The following TIAM1 variants were observed in gnomAD, a reference collection of about 807,000 sequenced individuals.
TIAM1 encodes rho guanine nucleotide exchange factor TIAM1.
A neutral mutation model predicts 163.5 loss-of-function variants in TIAM1; 65 were observed. The observed-to-expected ratio is 0.40, with a 90% CI of 0.33 to 0.49. The LOEUF (loss-of-function observed/expected upper bound fraction) is 0.49, where lower values mean the gene tolerates loss of function less well. Among genes scored for constraint, TIAM1 ranks in the 20% least tolerant of loss-of-function variants. TIAM1 has a pLI of 0.77. For missense variants in TIAM1, 1,789 were observed against 2,044.7 expected (o/e 0.87, Z 2.41); for synonymous variants, 833 against 810.1 (o/e 1.03, Z -0.48).
upstream of TIAM1, among the ~76,000 whole-genome samples, chr21:31,348,458 C>G (rs1331492247): frequency 1.3e-5 from 2 of 152,228 alleles, no homozygotes; most frequent in African/African-American, 4.8e-5. Flanking sequence ...GGTGTCAACA[C>G]CGTCAAATTA....
At chr21:31,399,496 T>G (rs1043371550) in intron 2 of TIAM1, among the ~76,000 whole-genome samples, 1 of 152,232 alleles carries the variant, frequency 6.6e-6, no homozygotes, top group African/African-American at 2.4e-5. Flanking sequence ...ATGAATTGTA[T>G]GCATCCACTG....
intron 5 of TIAM1, among the ~76,000 whole-genome samples, chr21:31,250,436 A>G (rs1361237763): frequency 6.6e-6 from 1 of 152,182 alleles, no homozygotes; most frequent in Admixed American, 6.5e-5. Flanking sequence ...ACCAAGAATA[A>G]TGGGGCCAAC....
At chr21:31,191,121 T>C (rs776862964) in intron 13 of TIAM1, among the ~76,000 whole-genome samples, 10 of 151,950 alleles carry the variant, frequency 6.6e-5, no homozygotes, top group Non-Finnish European at 1.2e-4. Context: ...GGAGAAGAAA[T>C]GATTTAACTG....
chr21:31,543,703 C>A (rs188467656), intron 1 of TIAM1, among the ~76,000 whole-genome samples: 1 of 152,252 alleles, frequency 6.6e-6, no homozygotes, highest in East Asian at 1.9e-4. Context: ...CAGGATATAT[C>A]CCCGAGGAGA....
At chr21:31,163,074 C>A (rs573905502) in intron 16 of TIAM1, among the ~76,000 whole-genome samples, 1 of 152,102 alleles carries the variant, frequency 6.6e-6, no homozygotes, top group Non-Finnish European at 1.5e-5. Context: ...TCAAAATCCA[C>A]AAGGAGATGA....
chr21:31,252,376 G>C (rs1460672764), intron 4 of TIAM1, among the ~76,000 whole-genome samples, 187 bp from the exon 5 acceptor site: 1 of 152,198 alleles, frequency 6.6e-6, no homozygotes, highest in Non-Finnish European at 1.5e-5. Flanking sequence ...ACCCAGCAGA[G>C]CTGCTCAGGA....
intron 13 of TIAM1, among the ~76,000 whole-genome samples, chr21:31,194,517 A>G (rs2833330): frequency 0.18 from 27,430 of 152,142 alleles, 3,652 homozygotes; most frequent in East Asian, 0.4. Flanking sequence ...ACATCATAGT[A>G]TATGTTAAAC....
intron 2 of TIAM1, among the ~76,000 whole-genome samples, chr21:31,415,214 G>A (rs2043330831): frequency 6.6e-6 from 1 of 152,172 alleles, no homozygotes; most frequent in South Asian, 2.1e-4. Flanking sequence ...TCTACAAAGT[G>A]CTTAGCACAA....
At chr21:31,400,437 A>T (rs1472904762) in intron 2 of TIAM1, among the ~76,000 whole-genome samples, 1 of 152,058 alleles carries the variant, frequency 6.6e-6, no homozygotes, top group Non-Finnish European at 1.5e-5. Flanking sequence ...GCCAGACACC[A>T]CACTTTCTGA....
chr21:31,406,751 A>G (rs1353527109), intron 2 of TIAM1, among the ~76,000 whole-genome samples: 1 of 152,184 alleles, frequency 6.6e-6, no homozygotes, highest in Non-Finnish European at 1.5e-5. Flanking sequence ...ACTCCAACAA[A>G]GCAGACATGA....
chr21:31,479,617 T>C (rs780923406), intron 1 of TIAM1, among the ~76,000 whole-genome samples: 27 of 152,104 alleles, frequency 1.8e-4, no homozygotes, highest in Non-Finnish European at 3.1e-4. Flanking sequence ...ATTTATACCA[T>C]AGAAATCGAC....
chr21:31,228,235 A>ATT (rs1601626429), intron 6 of TIAM1, among the ~76,000 whole-genome samples: 2 of 116,790 alleles, frequency 1.7e-5, no homozygotes, highest in Non-Finnish European at 1.6e-5. Flanking sequence ...AAAAAAAAAA[A>ATT]AAAAAAAAAA....
intron 6 of TIAM1, among the ~76,000 whole-genome samples, chr21:31,238,536 C>G (rs1382376292): frequency 1.3e-5 from 2 of 152,118 alleles, no homozygotes; most frequent in Non-Finnish European, 2.9e-5. Flanking sequence ...GAATTCACAT[C>G]AGAAATGTGT....
intron 2 of TIAM1, among the ~76,000 whole-genome samples, chr21:31,371,964 C>T (rs1359193162): frequency 2.0e-5 from 3 of 152,140 alleles, no homozygotes; most frequent in Non-Finnish European, 2.9e-5. Flanking sequence ...GTGAACTCAC[C>T]CAGTTAACAA....
At chr21:31,196,383 C>T (rs575235426) in intron 12 of TIAM1, among the ~76,000 whole-genome samples, 5 of 151,320 alleles carry the variant, frequency 3.3e-5, no homozygotes, top group Admixed American at 1.3e-4. Flanking sequence ...GCGATCTCGG[C>T]TCACTGCAGC....
At chr21:31,445,521 G>A (rs141988639) in intron 2 of TIAM1, among the ~76,000 whole-genome samples, 9 of 152,172 alleles carry the variant, frequency 5.9e-5, no homozygotes, top group East Asian at 3.9e-4. Context: ...TCTGGATGTC[G>A]TCTATTAATT....
chr21:31,396,024 C>T (rs1443657037), intron 2 of TIAM1, among the ~76,000 whole-genome samples: 1 of 152,086 alleles, frequency 6.6e-6, no homozygotes, highest in Non-Finnish European at 1.5e-5. Context: ...AACAGAGGTC[C>T]CCAGAGTGCT....
At chr21:31,405,342 G>A (rs1254315386) in intron 2 of TIAM1, among the ~76,000 whole-genome samples, 1 of 152,102 alleles carries the variant, frequency 6.6e-6, no homozygotes, top group African/African-American at 2.4e-5. Context: ...CAGCCAGAAA[G>A]GGCATTTCCA....
intron 11 of TIAM1, among the ~76,000 whole-genome samples, chr21:31,208,412 C>T (rs952211081): frequency 6.6e-6 from 1 of 152,206 alleles, no homozygotes; most frequent in African/African-American, 2.4e-5. Context: ...GACAATAACT[C>T]TTCAGCTCTG....
Sources: gnomAD v4.1 joint callset for allele counts (sites outside exome capture counted in the v4.1 genomes callset) on GRCh38, gnomAD v4.1.1 for gene constraint, MANE v1.5 for transcripts, NCBI Gene and HGNC (gene_info 2026-07-23, HGNC 2026-07-21) for gene names.